The following SLC35F3 variants were observed in gnomAD, a reference collection of about 807,000 sequenced individuals.
The protein encoded by SLC35F3 is putative thiamine transporter SLC35F3.
In SLC35F3, 25 loss-of-function variants were observed where a neutral mutation model predicts 49.9. That is an observed-to-expected ratio of 0.50 (90% confidence interval 0.37 to 0.70). The LOEUF is 0.70. Ranked by LOEUF, SLC35F3 falls within the 30% of genes least tolerant of loss-of-function variation. The probability of loss-of-function intolerance (pLI) is 0.00; values close to 1 mark genes in which losing one functional copy is unlikely to be tolerated. For missense variants in SLC35F3, 525 were observed against 639.8 expected (o/e 0.82, Z 1.94); for synonymous variants, 275 against 265.4 (o/e 1.04, Z -0.35).
At chr1:234,058,686 C>A (rs1166368503) in intron 2 of SLC35F3, among the ~76,000 whole-genome samples, 2 of 152,058 alleles carry the variant, frequency 1.3e-5, no homozygotes, top group Admixed American at 6.6e-5. Context: ...AATTTTTGCA[C>A]CCATTTTTGT....
At chr1:234,188,009 G>A (rs899998647) in intron 2 of SLC35F3, among the ~76,000 whole-genome samples, 13 of 152,132 alleles carry the variant, frequency 8.5e-5, no homozygotes, top group African/African-American at 2.9e-4. Flanking sequence ...AGGCCGAGGC[G>A]GGCGGATCAC....
chr1:234,264,252 C>A (rs192328402), intron 3 of SLC35F3, among the ~76,000 whole-genome samples: 457 of 152,346 alleles, frequency 3.0e-3, no homozygotes, highest in South Asian at 5.6e-3. Context: ...GCACAAGGAA[C>A]CTTCCACTTG....
At chr1:234,180,897 A>G (rs1355349589) in intron 2 of SLC35F3, among the ~76,000 whole-genome samples, 2 of 152,208 alleles carry the variant, frequency 1.3e-5, no homozygotes, top group Non-Finnish European at 2.9e-5. Flanking sequence ...ACTGCCATGT[A>G]TCCATCACCC....
At chr1:233,926,813 G>A (rs1048188862) in intron 2 of SLC35F3, among the ~76,000 whole-genome samples, 1 of 152,088 alleles carries the variant, frequency 6.6e-6, no homozygotes, top group African/African-American at 2.4e-5. Context: ...CTACAGATGG[G>A]GTTTTGGTGT....
intron 2 of SLC35F3, among the ~76,000 whole-genome samples, chr1:233,962,332 T>C (rs1403729883): frequency 6.6e-6 from 1 of 152,280 alleles, no homozygotes; most frequent in Admixed American, 6.5e-5. Context: ...TATCAAACTA[T>C]GCTTGTCCAA....
intron 2 of SLC35F3, among the ~76,000 whole-genome samples, chr1:234,212,157 A>T: frequency 6.6e-6 from 1 of 152,232 alleles, no homozygotes; most frequent in East Asian, 1.9e-4. Flanking sequence ...ATATAAGTCC[A>T]TTAAACCTCT....
At chr1:234,191,310 A>T (rs1226228796) in intron 2 of SLC35F3, among the ~76,000 whole-genome samples, 1 of 152,240 alleles carries the variant, frequency 6.6e-6, no homozygotes, top group East Asian at 1.9e-4. Flanking sequence ...AAAACCATGC[A>T]AATATATGAA....
intron 2 of SLC35F3, among the ~76,000 whole-genome samples, chr1:234,117,160 A>G (rs1289787842): frequency 6.6e-6 from 1 of 152,186 alleles, no homozygotes; most frequent in Non-Finnish European, 1.5e-5. Context: ...GGTGCTTCAA[A>G]AAGCGAGGAC....
chr1:234,311,571 C>A (rs969470404), intron 4 of SLC35F3, among the ~76,000 whole-genome samples: 1 of 152,216 alleles, frequency 6.6e-6, no homozygotes, highest in Non-Finnish European at 1.5e-5. Flanking sequence ...ACCACAAGGG[C>A]CATGGTTCCT....
At chr1:234,283,804 C>T (rs1668366835) in intron 3 of SLC35F3, among the ~76,000 whole-genome samples, 1 of 152,180 alleles carries the variant, frequency 6.6e-6, no homozygotes, top group African/African-American at 2.4e-5. Context: ...AATGATCAGC[C>T]TTGGTACCTA....
chr1:234,147,493 T>G (rs761129142), intron 2 of SLC35F3, among the ~76,000 whole-genome samples: 1 of 152,200 alleles, frequency 6.6e-6, no homozygotes, highest in Non-Finnish European at 1.5e-5. Flanking sequence ...TGTTGTAATA[T>G]CTCTGCTTTG....
intron 2 of SLC35F3, among the ~76,000 whole-genome samples, chr1:234,181,338 G>GAAAAAAAAAAAAAAAAA (rs34757532): frequency 1.0e-5 from 1 of 97,310 alleles, no homozygotes; most frequent in African/African-American, 3.9e-5. Context: ...TCTGTCTCAA[G>GAAAAAAAAAAAAAAAAA]AAAAAAAAAA....
chr1:234,231,577 G>T lies in SLC35F3; in HGVS notation c.444G>T (p.Ser148=). Residue 148 remains serine (S), a synonymous_variant, in exon 3 of 8, where the codon TCG becomes TCT. Transcript: ENST00000366618. The surrounding 1 kb of genome is among the most constrained non-coding windows in gnomAD (Gnocchi z 5.4). The part of the protein sequence containing the change: ...GVAVVLCVCS[S]WAGSTQLAKL... ...CGGTCGTGCTGTGCGTGTGCTCCTCGTGGGCGGGCTCCACGCAGCTCGCCA... is the reference window on the plus strand; with the variant it reads ...CGGTCGTGCTGTGCGTGTGCTCCTCTTGGGCGGGCTCCACGCAGCTCGCCA... The T allele has an allele frequency of 6.2e-7, 1 of 1,614,162 alleles. No homozygotes were observed. The highest frequency in any genetic ancestry group is 8.5e-7 in the Non-Finnish European group (1 of 1,180,014).
At chr1:233,942,366 T>C in intron 2 of SLC35F3, among the ~76,000 whole-genome samples, 1 of 152,176 alleles carries the variant, frequency 6.6e-6, no homozygotes. Flanking sequence ...GATGTTGTTT[T>C]GTGTGACCTG....
chr1:234,151,858 T>A (rs1050275437), intron 2 of SLC35F3, among the ~76,000 whole-genome samples: 7 of 152,004 alleles, frequency 4.6e-5, no homozygotes, highest in Non-Finnish European at 1.0e-4. Flanking sequence ...AAACTATAAT[T>A]CAAGAAAACT....
intron 2 of SLC35F3, among the ~76,000 whole-genome samples, chr1:234,199,962 C>T (rs1265299895): frequency 6.6e-6 from 1 of 152,146 alleles, no homozygotes; most frequent in Non-Finnish European, 1.5e-5. Context: ...TGTTAGAATG[C>T]AGTTACCAAA....
intron 3 of SLC35F3, among the ~76,000 whole-genome samples, chr1:234,258,436 G>T (rs921339035): frequency 1.3e-5 from 2 of 152,170 alleles, no homozygotes; most frequent in African/African-American, 2.4e-5. Flanking sequence ...TACAAATATT[G>T]TGACTATCCC....
rs79253604 is a variant in SLC35F3 at position 234,113,009 on chromosome 1, A to G, written c.284-118408A>G. 7.0e-3 allele frequency among the ~76,000 whole-genome samples: 1,062 copies of G among 151,948 alleles called. 7 individuals carry two copies. Among genetic ancestry groups the G allele is most frequent in the Non-Finnish European group, 8.8e-3 (599 of 67,954 alleles). Reference sequence around the variant, plus strand: ...CGCTCAAGCCCAGTAGTTTGAGACCAATGAGCCCAGGAGTTCGAGACCAGC... The same window carrying G: ...CGCTCAAGCCCAGTAGTTTGAGACCGATGAGCCCAGGAGTTCGAGACCAGC... On this transcript the variant is annotated intron_variant, in intron 2 of 7. Coordinates refer to ENST00000366618, the MANE Select transcript of SLC35F3 (RefSeq NM_173508.4).
chr1:233,921,691 T>A (rs949209447), intron 2 of SLC35F3, among the ~76,000 whole-genome samples: 4 of 152,158 alleles, frequency 2.6e-5, no homozygotes, highest in African/African-American at 9.7e-5. Context: ...CTAGGGTACA[T>A]GTGCACAACG....
Sources: gnomAD v4.1 joint callset for allele counts (sites outside exome capture counted in the v4.1 genomes callset) on GRCh38, gnomAD v4.1.1 for gene constraint, Gnocchi (gnomAD v3.1) non-coding constraint, MANE v1.5 for transcripts, NCBI Gene and HGNC (gene_info 2026-07-23, HGNC 2026-07-21) for gene names.